Variants in STK32A observed in about 807,000 individuals in gnomAD.
STK32A encodes the protein serine/threonine-protein kinase 32A.
Under a neutral mutation model 53.2 loss-of-function variants are expected in STK32A, and 41 were observed. The ratio of observed to expected loss-of-function variants is 0.77; its 90% CI spans 0.60 to 1.00. The LOEUF (loss-of-function observed/expected upper bound fraction) is 1.00, where lower values mean the gene tolerates loss of function less well. Among genes scored for constraint, STK32A ranks in the 50% least tolerant of loss-of-function variants. The pLI, the probability that STK32A is intolerant of heterozygous loss-of-function variation, is 0.00. For synonymous variants in STK32A, 166 were observed against 162.8 expected, an observed-to-expected ratio of 1.02 and a Z score of -0.15; for missense variants, 458 against 485.8, an observed-to-expected ratio of 0.94 and a Z score of 0.54.
intron 5 of STK32A, among the ~76,000 whole-genome samples, chr5:147,339,673 G>A (rs1450732102): frequency 1.3e-5 from 2 of 152,280 alleles, no homozygotes; most frequent in Admixed American, 6.5e-5. Context: ...GCTGCCCAAG[G>A]TTGTGGGAGC....
chr5:147,289,779 T>C (rs1752516690), intron 4 of STK32A, among the ~76,000 whole-genome samples: 2 of 152,130 alleles, frequency 1.3e-5, no homozygotes, highest in African/African-American at 4.8e-5. Flanking sequence ...TAACAATCAC[T>C]TCTAACATGT....
chr5:147,383,774 T>C, intron 12 of STK32A, 116 bp from the exon 13 acceptor site: 1 of 1,059,300 alleles, frequency 9.4e-7, no homozygotes, highest in Non-Finnish European at 1.3e-6. Context: ...TTTTAAAAGA[T>C]TTCCTTGGCT....
At chr5:147,290,309 T>C (rs1207571932) in intron 4 of STK32A, among the ~76,000 whole-genome samples, 1 of 152,116 alleles carries the variant, frequency 6.6e-6, no homozygotes, top group African/African-American at 2.4e-5. Context: ...AAAGAACATT[T>C]GGAAATAAAA....
chr5:147,258,432 A>T (rs1261811648), intron 2 of STK32A, among the ~76,000 whole-genome samples: 2 of 152,134 alleles, frequency 1.3e-5, no homozygotes, highest in Non-Finnish European at 2.9e-5. Context: ...TACTTTCCTT[A>T]TACACCTTGC....
At chr5:147,310,886 G>A (rs1227131619) in intron 4 of STK32A, among the ~76,000 whole-genome samples, 3 of 152,082 alleles carry the variant, frequency 2.0e-5, no homozygotes, top group Non-Finnish European at 4.4e-5. Context: ...TCTCCCTTGA[G>A]AAGCTTCATA....
At chr5:147,338,202 G>T (rs1299376486) in intron 5 of STK32A, among the ~76,000 whole-genome samples, 1 of 152,120 alleles carries the variant, frequency 6.6e-6, no homozygotes. Flanking sequence ...TTGAGTCATG[G>T]GGGTGGGTTT....
intron 6 of STK32A, chr5:147,348,814 G>A (rs765729518): frequency 2.1e-5 from 15 of 715,808 alleles, no homozygotes; most frequent in East Asian, 5.3e-5. Flanking sequence ...ACAATTAAAC[G>A]CTTACTTCTT....
intron 4 of STK32A, among the ~76,000 whole-genome samples, chr5:147,292,399 A>T (rs1752638549): frequency 6.6e-6 from 1 of 152,258 alleles, no homozygotes; most frequent in Non-Finnish European, 1.5e-5. Flanking sequence ...GAGTATTCAC[A>T]AATAGTTTCC....
intron 5 of STK32A, among the ~76,000 whole-genome samples, chr5:147,336,346 C>G (rs1465967378): frequency 1.3e-5 from 2 of 151,998 alleles, no homozygotes; most frequent in Non-Finnish European, 2.9e-5. Flanking sequence ...TCCCCCACCC[C>G]TTCCCTCCCT....
At chr5:147,265,999 C>T (rs1754792391) in intron 2 of STK32A, among the ~76,000 whole-genome samples, 1 of 152,094 alleles carries the variant, frequency 6.6e-6, no homozygotes, top group Admixed American at 6.5e-5. Flanking sequence ...AAGTGCCAGC[C>T]GAACTTAGAA....
chr5:147,263,126 TACTGGGGC>T, intron 2 of STK32A, among the ~76,000 whole-genome samples: 1 of 152,280 alleles, frequency 6.6e-6, no homozygotes, highest in East Asian at 1.9e-4. Flanking sequence ...GCATACTGGA[TACTGGGGC>T]ACCCAGCCTC....
At chr5:147,399,960 C>G in the STK32A span, among the ~76,000 whole-genome samples, 1 of 152,142 alleles carries the variant, frequency 6.6e-6, no homozygotes, top group Non-Finnish European at 1.5e-5. Flanking sequence ...AAACCTAGCT[C>G]TGAGCTTCCT....
the STK32A span, chr5:147,395,736 G>A: frequency 6.2e-7 from 1 of 1,613,226 alleles, no homozygotes; most frequent in Non-Finnish European, 8.5e-7. Context: ...AGCCAGAGAA[G>A]AGCATGTCAC....
At chr5:147,298,367 C>G (rs1047605472) in intron 4 of STK32A, among the ~76,000 whole-genome samples, 1 of 152,220 alleles carries the variant, frequency 6.6e-6, no homozygotes, top group Non-Finnish European at 1.5e-5. Context: ...AAGTAAGTCT[C>G]TCACTCAATT....
In STK32A at chr5:147,379,815, C is replaced by G. The variant is rs188733261; in HGVS notation, c.1033-3626C>G. ...TATGATAATTTAATCAGTGTTTGCT[C>G]TGCTCATCCTTGATATGTGAGTCCT... is the stretch of plus-strand genomic sequence containing the variant. On this transcript the variant is annotated intron_variant, in intron 11 of 12. Transcript: ENST00000397936. Among the ~76,000 whole-genome samples the G allele has an allele frequency of 2.0e-5, 3 of 152,268 alleles. No homozygotes were observed. The East Asian group carries it at 5.8e-4, about 29-fold the overall frequency.
chr5:147,307,270 T>C (rs1753454624), intron 4 of STK32A, among the ~76,000 whole-genome samples: 1 of 151,894 alleles, frequency 6.6e-6, no homozygotes, highest in Non-Finnish European at 1.5e-5. Context: ...GGACTTAATG[T>C]GGTACAATTT....
chr5:147,370,537 G>T (rs1756961004), intron 8 of STK32A, 117 bp from the exon 9 acceptor site: 11 of 598,986 alleles, frequency 1.8e-5, no homozygotes, highest in Non-Finnish European at 2.9e-5. Context: ...AGCTGGACAG[G>T]GTTAGAAATT....
chr5:147,273,013 G>C (rs760110145), intron 2 of STK32A, among the ~76,000 whole-genome samples: 2 of 152,090 alleles, frequency 1.3e-5, no homozygotes, highest in Non-Finnish European at 2.9e-5. Flanking sequence ...AAAATCTTTT[G>C]CAAAGATTTT....
At chr5:147,345,946 A>T (rs757700988) in intron 6 of STK32A, among the ~76,000 whole-genome samples, 7 of 152,198 alleles carry the variant, frequency 4.6e-5, no homozygotes, top group Non-Finnish European at 7.3e-5. Flanking sequence ...TACAGAAGTG[A>T]GCAAACAAAA....
Sources: gnomAD v4.1 joint callset for allele counts (sites outside exome capture counted in the v4.1 genomes callset) on GRCh38, gnomAD v4.1.1 for gene constraint, MANE v1.5 for transcripts, NCBI Gene and HGNC (gene_info 2026-07-23, HGNC 2026-07-21) for gene names.